Variants in OMA1 observed in about 807,000 individuals in gnomAD.
OMA1 encodes the protein metalloendopeptidase OMA1, mitochondrial.
OMA1 carries 38 observed loss-of-function variants against 30.9 expected under a neutral mutation model. The ratio of observed to expected loss-of-function variants is 1.23; its 90% CI spans 0.95 to 1.61. The LOEUF is 1.61. Ranked by LOEUF, OMA1 falls within the 40% of genes most tolerant of loss-of-function variation. The pLI, the probability that OMA1 is intolerant of heterozygous loss-of-function variation, is 0.00. For missense variants in OMA1, 461 were observed against 349.2 expected, an observed-to-expected ratio of 1.32 and a Z score of -2.55; for synonymous variants, 173 against 121.9, an observed-to-expected ratio of 1.42 and a Z score of -2.76.
intron 8 of OMA1, among the ~76,000 whole-genome samples, chr1:58,491,680 A>G (rs1645694057): frequency 6.6e-6 from 1 of 152,218 alleles, no homozygotes; most frequent in Non-Finnish European, 1.5e-5. Context: ...GCCACTACAT[A>G]ATGGTAAAGG....
chr1:58,485,212 TAA>T (rs1435202208), intron 8 of OMA1, among the ~76,000 whole-genome samples: 5 of 9,280 alleles, frequency 5.4e-4, no homozygotes, highest in South Asian at 2.8e-3. Flanking sequence ...AGTCTAAAAA[TAA>T]AAGAGTCTAC....
intron 8 of OMA1, among the ~76,000 whole-genome samples, chr1:58,485,228 TA>T (rs71043289): frequency 0.1 from 4,371 of 41,796 alleles, 72 homozygotes; most frequent in African/African-American, 0.13. Context: ...AGTCTACTAC[TA>T]AAAAAAAAAA....
At chr1:58,509,678 G>A (rs569654086) in intron 7 of OMA1, among the ~76,000 whole-genome samples, 2 of 148,462 alleles carry the variant, frequency 1.3e-5, no homozygotes, top group South Asian at 4.2e-4. Context: ...AAAGAAAACA[G>A]AGAATAAAAA....
At chr1:58,491,086 CG>C (rs1184388329) in intron 8 of OMA1, among the ~76,000 whole-genome samples, 1 of 152,174 alleles carries the variant, frequency 6.6e-6, no homozygotes, top group African/African-American at 2.4e-5. Context: ...AGATTACAGG[CG>C]TGAACCACTG....
intron 5 of OMA1, among the ~76,000 whole-genome samples, chr1:58,532,788 A>G (rs1646455238): frequency 6.6e-6 from 1 of 152,234 alleles, no homozygotes; most frequent in African/African-American, 2.4e-5. Context: ...AGCCTCTCAA[A>G]GTGCTGGGAT....
At chr1:58,545,120 C>T (rs1205020350) in intron 1 of OMA1, among the ~76,000 whole-genome samples, 2 of 152,156 alleles carry the variant, frequency 1.3e-5, no homozygotes, top group Non-Finnish European at 2.9e-5. Flanking sequence ...CTTCCCCAAC[C>T]CTCCTTCACC....
intron 8 of OMA1, among the ~76,000 whole-genome samples, chr1:58,504,957 C>T (rs892173054): frequency 6.6e-6 from 1 of 151,740 alleles, no homozygotes; most frequent in African/African-American, 2.4e-5. Context: ...CTGAAAGATA[C>T]TTCTTTTTTT....
chr1:58,494,909 G>A (rs912868296), intron 8 of OMA1, among the ~76,000 whole-genome samples: 5 of 152,054 alleles, frequency 3.3e-5, no homozygotes, highest in East Asian at 3.8e-4. Context: ...CCCAGCCATC[G>A]CATTACTGGG....
chr1:58,530,085 G>A (rs1470585172), intron 6 of OMA1, among the ~76,000 whole-genome samples: 2 of 152,080 alleles, frequency 1.3e-5, no homozygotes, highest in African/African-American at 2.4e-5. Flanking sequence ...GTTTCACCAC[G>A]TTAGCCAGGA....
chr1:58,516,287 G>A (rs1219112859), intron 7 of OMA1, among the ~76,000 whole-genome samples: 3 of 152,222 alleles, frequency 2.0e-5, no homozygotes, highest in South Asian at 2.1e-4. Flanking sequence ...AAACTGTTAC[G>A]AAAAAATTAA....
At chr1:58,525,810 A>G (rs1646339848) in intron 7 of OMA1, among the ~76,000 whole-genome samples, 1 of 152,160 alleles carries the variant, frequency 6.6e-6, no homozygotes, top group Non-Finnish European at 1.5e-5. Flanking sequence ...TCAGGTATCA[A>G]CACTTACTAC....
chr1:58,488,720 G>GCCTCC (rs1645620307), intron 8 of OMA1, among the ~76,000 whole-genome samples: 1 of 152,156 alleles, frequency 6.6e-6, no homozygotes, highest in African/African-American at 2.4e-5. Flanking sequence ...AAAGTGCTGG[G>GCCTCC]ATTACAGGCG....
chr1:58,480,939 A>T lies in OMA1; in HGVS notation c.*26T>A. 1 of 842,238 alleles carries T rather than the reference A, an allele frequency of 1.2e-6. No individual in the cohort carries two copies. The allele number at this position is 842,238 out of a possible 1,614,324, so 52.2% of individuals were successfully genotyped here. A position where few individuals can be genotyped will look rare whatever the true frequency, so the allele number is the denominator to read the frequency against. The stretch of plus-strand genomic sequence containing the variant: ...TGATAAGGACTGCAACATTCTTCAT[A>T]TATCTTGTGTCTCATAAATTTTAAT... On this transcript the variant is annotated 3_prime_UTR_variant, in exon 9 of 9. Transcript: ENST00000371226.
At chr1:58,518,348 GA>G in intron 7 of OMA1, among the ~76,000 whole-genome samples, 2 of 117,776 alleles carry the variant, frequency 1.7e-5, no homozygotes, top group Non-Finnish European at 3.5e-5. Flanking sequence ...GAGAAGAGAA[GA>G]GAAGGGAAGG....
rs1273027875 is a variant in OMA1, at chr1:58,534,268, C to G, written c.793G>C (p.Glu265Gln). Reference protein sequence around the residue: ...EKDARYLAVKEVLCHLIECNK... With the variant: ...EKDARYLAVKQVLCHLIECNK... ...CATTCAATTAGATGACAAAGCACTT[C>G]TTTAACAGCCAGGTATCGGGCATCT... is the stretch of plus-strand genomic sequence containing the variant. The change falls in exon 4 of 9, where the codon GAA (glutamate) becomes CAA (glutamine). Residue 265 changes from glutamate to glutamine, a missense_variant. Transcript: ENST00000371226. The G allele has an allele frequency of 1.1e-6, 1 of 871,158 alleles. No homozygotes were observed. The highest frequency in any genetic ancestry group is 2.4e-5 in the East Asian group (1 of 41,614). The allele number at this position is 871,158 out of a possible 1,614,324, so 54.0% of individuals were successfully genotyped here.
intron 8 of OMA1, among the ~76,000 whole-genome samples, chr1:58,502,314 C>CT (rs1645919834): frequency 6.6e-6 from 1 of 152,226 alleles, no homozygotes; most frequent in South Asian, 2.1e-4. Context: ...AACACAGGCT[C>CT]TGTCTTCCTC....
chr1:58,503,392 T>C (rs923872937), intron 8 of OMA1, among the ~76,000 whole-genome samples: 1 of 152,170 alleles, frequency 6.6e-6, no homozygotes, highest in African/African-American at 2.4e-5. Context: ...GAGGAATAAT[T>C]ACTACATATT....
chr1:58,490,795 C>CTTTTTTTT (rs148145860), intron 8 of OMA1, among the ~76,000 whole-genome samples: 13 of 59,272 alleles, frequency 2.2e-4, no homozygotes, highest in African/African-American at 3.2e-4. Context: ...AGTCAACATT[C>CTTTTTTTT]TTTTTTTTTT....
At chr1:58,545,791 T>C (rs1646692977) in intron 1 of OMA1, among the ~76,000 whole-genome samples, 1 of 152,184 alleles carries the variant, frequency 6.6e-6, no homozygotes, top group Non-Finnish European at 1.5e-5. Flanking sequence ...GAAACAGCTG[T>C]CAGATTGGCA....
Sources: gnomAD v4.1 joint callset for allele counts (sites outside exome capture counted in the v4.1 genomes callset) on GRCh38, gnomAD v4.1.1 for gene constraint, MANE v1.5 for transcripts, NCBI Gene and HGNC (gene_info 2026-07-23, HGNC 2026-07-21) for gene names.